SLC10A7: variants seen among roughly 807,000 people sequenced by gnomAD.
SLC10A7 encodes sodium/bile acid cotransporter 7.
SLC10A7 carries 29 observed loss-of-function variants against 43.2 expected under a neutral mutation model. The observed-to-expected ratio is 0.67, with a 90% CI of 0.50 to 0.92. The LOEUF is 0.92. SLC10A7 is among the 40% of genes least tolerant of loss of function. The probability of loss-of-function intolerance (pLI) is 0.00; values close to 1 mark genes in which losing one functional copy is unlikely to be tolerated. For missense variants in SLC10A7, 295 were observed against 403.2 expected, an observed-to-expected ratio of 0.73 and a Z score of 2.30; for synonymous variants, 152 against 144.8, an observed-to-expected ratio of 1.05 and a Z score of -0.35.
At chr4:146,498,396 A>T (rs1736105552) in intron 4 of SLC10A7, among the ~76,000 whole-genome samples, 1 of 152,054 alleles carries the variant, frequency 6.6e-6, no homozygotes, top group Non-Finnish European at 1.5e-5. Context: ...GGGATTACAG[A>T]CATGAGCCAC....
At chr4:146,398,929 A>G (rs1171279972) in intron 5 of SLC10A7, among the ~76,000 whole-genome samples, 1 of 152,216 alleles carries the variant, frequency 6.6e-6, no homozygotes, top group Non-Finnish European at 1.5e-5. Flanking sequence ...GGAGAACGGG[A>G]GTGAAAAAGG....
chr4:146,381,353 C>G (rs906584879), intron 5 of SLC10A7, among the ~76,000 whole-genome samples: 1 of 152,082 alleles, frequency 6.6e-6, no homozygotes, highest in African/African-American at 2.4e-5. Flanking sequence ...TGTTTAGGAA[C>G]CCTCCCCTCA....
chr4:146,281,336 C>T (rs1729536636), intron 10 of SLC10A7, among the ~76,000 whole-genome samples: 1 of 150,480 alleles, frequency 6.6e-6, no homozygotes, highest in Non-Finnish European at 1.5e-5. Flanking sequence ...AGAGAAAACC[C>T]TTTCTGGTTT....
At chr4:146,459,772 G>A (rs1258067331) in intron 4 of SLC10A7, among the ~76,000 whole-genome samples, 4 of 151,734 alleles carry the variant, frequency 2.6e-5, no homozygotes, top group Admixed American at 6.6e-5. Flanking sequence ...ACATATCTAC[G>A]TTAGGCTACA....
At chr4:146,338,575 T>C (rs895383515) in intron 5 of SLC10A7, among the ~76,000 whole-genome samples, 3 of 152,030 alleles carry the variant, frequency 2.0e-5, no homozygotes, top group African/African-American at 7.2e-5. Flanking sequence ...TTAGGGATAA[T>C]GTGTTACCTC....
At chr4:146,283,728 C>T (rs561095731) in intron 9 of SLC10A7, among the ~76,000 whole-genome samples, 2 of 152,080 alleles carry the variant, frequency 1.3e-5, no homozygotes, top group East Asian at 2.0e-4. Context: ...TTAGTAAAAA[C>T]AAATTATCAT....
intron 4 of SLC10A7, among the ~76,000 whole-genome samples, chr4:146,467,564 T>TTTC (rs1439178864): frequency 7.2e-4 from 97 of 135,248 alleles, no homozygotes; most frequent in Middle Eastern, 3.6e-3. Flanking sequence ...CTTTCTCTCT[T>TTTC]TTTTTTTTTT....
intron 5 of SLC10A7, among the ~76,000 whole-genome samples, chr4:146,341,484 A>G (rs1393835900): frequency 6.6e-6 from 1 of 151,830 alleles, no homozygotes; most frequent in Non-Finnish European, 1.5e-5. Context: ...ATAACATCAG[A>G]CATAAGAATG....
chr4:146,413,988 G>A (rs1311839369), intron 5 of SLC10A7, among the ~76,000 whole-genome samples: 1 of 152,156 alleles, frequency 6.6e-6, no homozygotes, highest in Admixed American at 6.5e-5. Flanking sequence ...CAGAGAACAA[G>A]CTCACTATAC....
chr4:146,333,171 C>T (rs1733651721), intron 5 of SLC10A7, among the ~76,000 whole-genome samples: 1 of 152,132 alleles, frequency 6.6e-6, no homozygotes, highest in Non-Finnish European at 1.5e-5. Flanking sequence ...CCTCTATCAT[C>T]TCATTCTCAA....
At chr4:146,333,654 T>C (rs1733685760) in intron 5 of SLC10A7, among the ~76,000 whole-genome samples, 1 of 152,122 alleles carries the variant, frequency 6.6e-6, no homozygotes, top group Non-Finnish European at 1.5e-5. Flanking sequence ...GGAGTGCAGC[T>C]GTGAGAGATG....
chr4:146,453,795 A>G (rs2149918456), intron 4 of SLC10A7, among the ~76,000 whole-genome samples: 1 of 152,076 alleles, frequency 6.6e-6, no homozygotes, highest in East Asian at 1.9e-4. Flanking sequence ...GTGCAAACTG[A>G]CCCTTCTAAG....
At chr4:146,338,233 T>C (rs1438950832) in intron 5 of SLC10A7, among the ~76,000 whole-genome samples, 9 of 152,158 alleles carry the variant, frequency 5.9e-5, no homozygotes, top group African/African-American at 4.8e-5. Context: ...AAAACCCTTG[T>C]GTTTGTAATA....
chr4:146,508,515 C>T (rs778549066), intron 3 of SLC10A7, among the ~76,000 whole-genome samples: 74 of 152,184 alleles, frequency 4.9e-4, no homozygotes, highest in Non-Finnish European at 8.5e-4. Flanking sequence ...TTGATTTCCA[C>T]CATGCCTCCT....
chr4:146,425,702 G>A (rs1729295531), intron 5 of SLC10A7, among the ~76,000 whole-genome samples: 1 of 152,142 alleles, frequency 6.6e-6, no homozygotes, highest in Non-Finnish European at 1.5e-5. Flanking sequence ...TAAAAAAGGG[G>A]AAACCAGCCA....
At chr4:146,270,850 G>A (rs1296838054) in intron 10 of SLC10A7, among the ~76,000 whole-genome samples, 8 of 152,186 alleles carry the variant, frequency 5.3e-5, no homozygotes, top group African/African-American at 1.9e-4. Context: ...CAAATTAAGT[G>A]CCTAATGCAG....
chr4:146,374,476 C>A (rs1403675720), intron 5 of SLC10A7, among the ~76,000 whole-genome samples: 1 of 151,842 alleles, frequency 6.6e-6, no homozygotes, highest in South Asian at 2.1e-4. Context: ...GTAATCCCAG[C>A]AACTTGGGAG....
At chr4:146,291,469 C>T (rs1730439088) in intron 9 of SLC10A7, among the ~76,000 whole-genome samples, 1 of 152,194 alleles carries the variant, frequency 6.6e-6, no homozygotes, top group South Asian at 2.1e-4. Context: ...CCTGCACCAT[C>T]CACTGCTCTG....
At chr4:146,331,718 A>T (rs778311752) in intron 5 of SLC10A7, among the ~76,000 whole-genome samples, 6 of 152,094 alleles carry the variant, frequency 3.9e-5, no homozygotes, top group Admixed American at 6.6e-5. Flanking sequence ...ATATCATTTT[A>T]AAAAAAAGAT....
Sources: gnomAD v4.1 joint callset for allele counts (sites outside exome capture counted in the v4.1 genomes callset) on GRCh38, gnomAD v4.1.1 for gene constraint, MANE v1.5 for transcripts, NCBI Gene and HGNC (gene_info 2026-07-23, HGNC 2026-07-21) for gene names.